DRG1: variants seen among roughly 807,000 people sequenced by gnomAD.
DRG1 encodes developmentally-regulated GTP-binding protein 1.
Under a neutral mutation model 38.8 loss-of-function variants are expected in DRG1, and 19 were observed. The observed-to-expected ratio is 0.49, with a 90% CI of 0.34 to 0.72. The LOEUF (loss-of-function observed/expected upper bound fraction) is 0.72, where lower values mean the gene tolerates loss of function less well. Ranked by LOEUF, DRG1 falls within the 30% of genes least tolerant of loss-of-function variation. DRG1 has a pLI of 0.01. For synonymous variants in DRG1, 167 were observed against 157.5 expected (o/e 1.06, Z -0.45); for missense variants, 299 against 444.8 (o/e 0.67, Z 2.95).
intron 4 of DRG1, 21 bp downstream of exon 4, chr22:31,411,102 C>T (rs1168737057): frequency 6.2e-7 from 1 of 1,612,376 alleles, no homozygotes; most frequent in South Asian, 1.1e-5. Flanking sequence ...TAAGTGCCAC[C>T]ATCCTGGGAT....
chr22:31,404,225 T>TA (rs2049977739), intron 3 of DRG1, among the ~76,000 whole-genome samples: 1 of 151,582 alleles, frequency 6.6e-6, no homozygotes, highest in South Asian at 2.1e-4. Flanking sequence ...TATGTAAGCT[T>TA]ACTAGTGGGT....
chr22:31,405,172 CT>C lies in DRG1; in HGVS notation c.342+1982del, dbSNP rs1278780788. 6.9e-3 allele frequency among the ~76,000 whole-genome samples: 954 copies of C among 138,882 alleles called. 5 individuals are homozygous for C. Among genetic ancestry groups the C allele is most frequent in the Non-Finnish European group, 8.7e-3 (558 of 63,790 alleles). 91.1% of individuals were successfully genotyped at this position (138,882 alleles called of 152,430 possible). ...TTTTGTAGAGGCCTTAATAAATTTT[CT>C]TTTTTTTTTTTTTGAGACAGAGTCT... On this transcript the variant is annotated intron_variant, in intron 3 of 8. Transcript: ENST00000331457.
chr22:31,421,971 C>T (rs532050567), intron 5 of DRG1, among the ~76,000 whole-genome samples: 4 of 151,690 alleles, frequency 2.6e-5, no homozygotes, highest in East Asian at 3.9e-4. Flanking sequence ...AAAAATTAGC[C>T]GGGCATGGTG....
At chr22:31,431,934 C>CA (rs1489110817) in intron 8 of DRG1, among the ~76,000 whole-genome samples, 4 of 151,910 alleles carry the variant, frequency 2.6e-5, no homozygotes. Context: ...AAACATTGTT[C>CA]AAAACCTTCA....
chr22:31,409,320 A>G (rs947723414), intron 3 of DRG1, among the ~76,000 whole-genome samples: 12 of 151,990 alleles, frequency 7.9e-5, no homozygotes, highest in Non-Finnish European at 1.6e-4. Flanking sequence ...CCTGAGCTCA[A>G]GCAATCTGCC....
chr22:31,407,124 T>C (rs2049993272), intron 3 of DRG1, among the ~76,000 whole-genome samples: 1 of 152,212 alleles, frequency 6.6e-6, no homozygotes, highest in South Asian at 2.1e-4. Flanking sequence ...ATGGGATTCA[T>C]ATTGTCAGTA....
At chr22:31,431,034 G>GGC (rs2050136404) in intron 8 of DRG1, among the ~76,000 whole-genome samples, 1 of 16,956 alleles carries the variant, frequency 5.9e-5, no homozygotes, top group African/African-American at 2.1e-4. Context: ...CCCCCCCCCC[G>GGC]CTTTTTTTTT....
chr22:31,408,567 G>T (rs1041099397), intron 3 of DRG1, among the ~76,000 whole-genome samples: 1 of 151,566 alleles, frequency 6.6e-6, no homozygotes, highest in Non-Finnish European at 1.5e-5. Context: ...GGCCAACATG[G>T]TGAAAACTTG....
At chr22:31,409,151 C>G (rs1010905055) in intron 3 of DRG1, among the ~76,000 whole-genome samples, 9 of 152,030 alleles carry the variant, frequency 5.9e-5, no homozygotes, top group African/African-American at 1.9e-4. Context: ...CTGGCATAAT[C>G]TCGGCTCACT....
At chr22:31,411,623 G>A (rs905666907) in intron 4 of DRG1, among the ~76,000 whole-genome samples, 4 of 148,474 alleles carry the variant, frequency 2.7e-5, no homozygotes, top group Admixed American at 6.8e-5. Flanking sequence ...TCTGCCTCCC[G>A]GGTTCAAGGG....
intron 8 of DRG1, among the ~76,000 whole-genome samples, chr22:31,428,651 A>T (rs2050123867): frequency 6.6e-6 from 1 of 152,042 alleles, no homozygotes; most frequent in South Asian, 2.1e-4. Context: ...TTTTTCTTTT[A>T]CTAGTGTCTG....
chr22:31,412,516 A>AT (rs1378785435), intron 4 of DRG1, among the ~76,000 whole-genome samples: 3 of 150,238 alleles, frequency 2.0e-5, no homozygotes, highest in Non-Finnish European at 4.4e-5. Context: ...ATGCACGGCT[A>AT]TTTTTTGTAT....
At position 31,403,058 on chromosome 22, in the gene DRG1, C is replaced by T. The variant is rs1232550202; in HGVS notation, c.196C>T (p.Arg66Ter). Residue 66 changes from arginine (R) to a stop codon, truncating the protein, a stop_gained, in exon 3 of 9, where the codon CGA (arginine) becomes TGA (stop). Coordinates refer to ENST00000331457, the MANE Select transcript of DRG1 (RefSeq NM_004147.4). LOFTEE classifies it high-confidence loss of function. ...GFDVAKTGDA[R>*]IGFVGFPSVG... is the part of the protein sequence containing the mutation. ...TGATGTGGCCAAGACAGGTGATGCT[C>T]GAATTGGATTTGTTGGTTTTCCATC... 3.7e-6 allele frequency: 6 copies of T among 1,612,890 alleles called. No individual in the cohort carries two copies. Among genetic ancestry groups the T allele is most frequent in the African/African-American group, 2.7e-5 (2 of 74,858 alleles).
chr22:31,429,259 C>T (rs913545099), intron 8 of DRG1, among the ~76,000 whole-genome samples: 15 of 152,006 alleles, frequency 9.9e-5, no homozygotes, highest in African/African-American at 3.6e-4. Flanking sequence ...GCTGGTACTA[C>T]AGGCGTGTGC....
chr22:31,426,681 C>T lies in DRG1; in HGVS notation c.780C>T (p.Ile260=). The T allele has an allele frequency of 6.2e-7, 1 of 1,614,004 alleles. No individual in the cohort carries two copies. Among genetic ancestry groups the T allele is most frequent in the Non-Finnish European group, 8.5e-7 (1 of 1,179,928 alleles). The change falls in exon 7 of 9, where the codon ATC becomes ATT. Residue 260 remains isoleucine, a synonymous_variant. Coordinates refer to ENST00000331457, the MANE Select transcript of DRG1 (RefSeq NM_004147.4). ...IDQISIEELD[I]IYKVPHCVPI... ...AAATCTCCATTGAGGAATTGGATAT[C>T]ATCTATAAGGTGCCTCACTGTGTAC...
intron 3 of DRG1, among the ~76,000 whole-genome samples, chr22:31,408,980 G>GT (rs1004072384): frequency 9.2e-5 from 14 of 152,030 alleles, no homozygotes; most frequent in East Asian, 3.9e-4. Flanking sequence ...TGTGGGGTTG[G>GT]TTTTTCAATC....
chr22:31,415,974 T>C (rs145707389), intron 4 of DRG1, among the ~76,000 whole-genome samples: 1 of 152,246 alleles, frequency 6.6e-6, no homozygotes, highest in East Asian at 1.9e-4. Context: ...CTTGCTGCTA[T>C]CCTACTGCTC....
At chr22:31,412,431 A>G (rs2050023169) in intron 4 of DRG1, among the ~76,000 whole-genome samples, 1 of 146,346 alleles carries the variant, frequency 6.8e-6, no homozygotes, top group African/African-American at 2.5e-5. Flanking sequence ...GCACACTGCA[A>G]GCTCCGCCTC....
chr22:31,420,749 C>T (rs961676979), intron 5 of DRG1, among the ~76,000 whole-genome samples: 3 of 152,168 alleles, frequency 2.0e-5, no homozygotes, highest in African/African-American at 7.2e-5. Flanking sequence ...TATAGAGTGC[C>T]TACCACGGGC....
Sources: allele counts gnomAD v4.1 joint callset (sites outside exome capture counted in the v4.1 genomes callset), GRCh38; gene constraint gnomAD v4.1.1; transcripts MANE v1.5; gene names NCBI Gene and HGNC (gene_info 2026-07-23, HGNC 2026-07-21).